Variants in SETD3 observed in about 807,000 individuals in gnomAD.
SETD3 encodes SET domain containing 3, actin N3(tau)-histidine methyltransferase, also known as actin-histidine N-methyltransferase.
Under a neutral mutation model 63.0 loss-of-function variants are expected in SETD3, and 19 were observed. The observed-to-expected ratio is 0.30, with a 90% CI of 0.21 to 0.44. The LOEUF is 0.44. Among genes scored for constraint, SETD3 ranks in the 20% least tolerant of loss-of-function variants. The pLI, the probability that SETD3 is intolerant of heterozygous loss-of-function variation, is 1.00. For missense variants in SETD3, 587 were observed against 728.5 expected, an observed-to-expected ratio of 0.81 and a Z score of 2.24; for synonymous variants, 286 against 264.1, an observed-to-expected ratio of 1.08 and a Z score of -0.80.
chr14:99,467,000 C>T (rs1189784691), intron 1 of SETD3, among the ~76,000 whole-genome samples: 2 of 152,188 alleles, frequency 1.3e-5, no homozygotes, highest in Non-Finnish European at 2.9e-5. Flanking sequence ...ATGTGAAGAA[C>T]TATGCTAGGA....
At chr14:99,404,180 T>TA (rs949733874) in intron 11 of SETD3, 45 bp downstream of exon 11, 5 of 1,523,430 alleles carry the variant, frequency 3.3e-6, no homozygotes, top group Non-Finnish European at 4.5e-6. Flanking sequence ...TTTCATGATT[T>TA]AAAAAGAAAA....
chr14:99,456,212 C>T (rs572132403), intron 6 of SETD3, among the ~76,000 whole-genome samples: 4 of 152,310 alleles, frequency 2.6e-5, no homozygotes, highest in African/African-American at 9.6e-5. Flanking sequence ...TGACCAGACA[C>T]ATTTTGCTCT....
At chr14:99,469,117 T>C (rs993994350) in intron 1 of SETD3, among the ~76,000 whole-genome samples, 5 of 152,268 alleles carry the variant, frequency 3.3e-5, no homozygotes, top group African/African-American at 7.2e-5. Flanking sequence ...ACAGTAATTC[T>C]ACAGTCGAGT....
intron 1 of SETD3, among the ~76,000 whole-genome samples, chr14:99,480,453 G>A (rs1203875039): frequency 6.6e-6 from 1 of 151,476 alleles, no homozygotes; most frequent in Non-Finnish European, 1.5e-5. Context: ...CAGGGCAGCG[G>A]CGAGCGCGCG....
intron 6 of SETD3, among the ~76,000 whole-genome samples, chr14:99,454,603 T>C (rs191608996): frequency 1.3e-5 from 2 of 152,258 alleles, no homozygotes; most frequent in East Asian, 3.9e-4. Context: ...ATAGCATAAA[T>C]AGAGCATTTC....
chr14:99,484,450 A>G (rs972859851), upstream of SETD3, among the ~76,000 whole-genome samples: 6 of 152,278 alleles, frequency 3.9e-5, no homozygotes, highest in African/African-American at 1.4e-4. Flanking sequence ...AATCATGATG[A>G]GAAAAATGGT....
At chr14:99,479,404 C>A (rs1896142070) in intron 1 of SETD3, among the ~76,000 whole-genome samples, 1 of 152,214 alleles carries the variant, frequency 6.6e-6, no homozygotes, top group African/African-American at 2.4e-5. Flanking sequence ...CGCATGGTAG[C>A]CCGTATAAAC....
intron 6 of SETD3, among the ~76,000 whole-genome samples, chr14:99,436,951 T>A (rs1254042823): frequency 6.6e-6 from 1 of 152,170 alleles, no homozygotes; most frequent in Non-Finnish European, 1.5e-5. Flanking sequence ...AAGGTCTCAA[T>A]AAATGTTTAT....
At chr14:99,455,450 C>A (rs1440530269) in intron 6 of SETD3, among the ~76,000 whole-genome samples, 2 of 152,190 alleles carry the variant, frequency 1.3e-5, no homozygotes, top group African/African-American at 4.8e-5. Flanking sequence ...TATCTCTAAA[C>A]CTGGTCTTTT....
chr14:99,473,281 G>A (rs1474527492), intron 1 of SETD3, among the ~76,000 whole-genome samples: 3 of 152,210 alleles, frequency 2.0e-5, no homozygotes, highest in African/African-American at 7.2e-5. Flanking sequence ...AGTGACCTTG[G>A]CTAATGTGGG....
chr14:99,467,238 G>T (rs923462233), intron 1 of SETD3, among the ~76,000 whole-genome samples: 2 of 152,180 alleles, frequency 1.3e-5, no homozygotes, highest in African/African-American at 2.4e-5. Flanking sequence ...AGTCATCCTG[G>T]AATAAAAGGA....
chr14:99,434,111 T>G (rs929408590), intron 6 of SETD3, among the ~76,000 whole-genome samples: 1 of 152,210 alleles, frequency 6.6e-6, no homozygotes, highest in Non-Finnish European at 1.5e-5. Flanking sequence ...ACAAGATTAC[T>G]TCTAGCAGCT....
intron 6 of SETD3, among the ~76,000 whole-genome samples, chr14:99,453,691 T>G (rs1566722261): frequency 6.6e-6 from 1 of 151,992 alleles, no homozygotes; most frequent in East Asian, 1.9e-4. Context: ...CTGGGCGTGG[T>G]GGTGGGCACC....
chr14:99,473,643 CTCAGCTGTAAAGCACACTCGAGAGAGTG>C (rs1240403108), intron 1 of SETD3, among the ~76,000 whole-genome samples: 3 of 152,092 alleles, frequency 2.0e-5, no homozygotes, highest in Non-Finnish European at 4.4e-5. Flanking sequence ...ACCTCAGGCT[CTCAGCTGTAAAGCACACTCGAGAGAGTG>C]TGAGGGCCTA....
intron 6 of SETD3, among the ~76,000 whole-genome samples, chr14:99,456,604 T>C (rs777642950): frequency 4.6e-5 from 7 of 152,338 alleles, no homozygotes; most frequent in African/African-American, 7.2e-5. Context: ...GTTTATTACA[T>C]AGAAGGTGGT....
chr14:99,422,484 A>C (rs2139667248), intron 6 of SETD3, among the ~76,000 whole-genome samples: 1 of 152,172 alleles, frequency 6.6e-6, no homozygotes, highest in East Asian at 1.9e-4. Context: ...GCCTAAAGGA[A>C]GTTGAGTAGT....
At position 99,434,025 on chromosome 14, in the gene SETD3, A is replaced by G. The variant is rs113915139; in HGVS notation, c.676-20091T>C. 7.7e-3 allele frequency among the ~76,000 whole-genome samples: 1,176 copies of G among 152,304 alleles called. 13 individuals are homozygous for G. The highest frequency in any genetic ancestry group is 0.027 in the African/African-American group (1,105 of 41,552). ...ATCTACTGAAGCTAAACATACGATC[A>G]CTCAATACCCCAATGATTCTTCTCC... On this transcript the variant is annotated intron_variant, in intron 6 of 12. Coordinates refer to ENST00000331768, the MANE Select transcript of SETD3 (RefSeq NM_032233.3).
intron 6 of SETD3, 29 bp from the exon 7 acceptor site, chr14:99,413,963 G>T (rs1282358016): frequency 2.5e-6 from 4 of 1,592,868 alleles, no homozygotes; most frequent in Non-Finnish European, 3.4e-6. Flanking sequence ...AGAAAGCAGA[G>T]GTGAAAAGAG....
chr14:99,471,393 T>C (rs970994573), intron 1 of SETD3, among the ~76,000 whole-genome samples: 2 of 152,338 alleles, frequency 1.3e-5, no homozygotes, highest in Middle Eastern at 3.4e-3. Context: ...CAAATTTATA[T>C]AGAGAGATGT....
Sources: gnomAD v4.1 joint callset for allele counts (sites outside exome capture counted in the v4.1 genomes callset) on GRCh38, gnomAD v4.1.1 for gene constraint, MANE v1.5 for transcripts, NCBI Gene and HGNC (gene_info 2026-07-23, HGNC 2026-07-21) for gene names.